The following POU4F1 variants were observed in gnomAD, a reference collection of about 807,000 sequenced individuals.
POU4F1 encodes the protein POU class 4 homeobox 1.
POU4F1 carries 5 observed loss-of-function variants against 19.8 expected under a neutral mutation model. The observed-to-expected ratio is 0.25, with a 90% CI of 0.13 to 0.53. The LOEUF (loss-of-function observed/expected upper bound fraction) is 0.53. Among genes scored for constraint, POU4F1 ranks in the 20% least tolerant of loss-of-function variants. The pLI is 0.96. For missense variants in POU4F1, 408 were observed against 511.6 expected, an observed-to-expected ratio of 0.80 and a Z score of 1.95; for synonymous variants, 266 against 247.7, an observed-to-expected ratio of 1.07 and a Z score of -0.69.
At chr13:78,602,652 A>C (rs1874758993) in intron 1 of POU4F1, 101 bp from the exon 2 acceptor site, 1 of 1,275,334 alleles carries the variant, frequency 7.8e-7, no homozygotes, top group Admixed American at 3.6e-5. Context: ...ACAGCATGCG[A>C]AGGGCAAACA....
Position 78,601,930 on chromosome 13 carries a change from C to T in POU4F1, c.745G>A (p.Val249Met), listed in dbSNP as rs1181558761. 1 of 1,278,288 alleles carries T rather than the reference C, an allele frequency of 7.8e-7. No homozygotes were observed. Among genetic ancestry groups the T allele is most frequent in the Non-Finnish European group, 9.9e-7 (1 of 1,015,222 alleles). 79.2% of individuals were successfully genotyped at this position (1,278,288 alleles called of 1,614,324 possible). The change falls in exon 2 of 2, where the codon GTG (valine) becomes ATG (methionine). Residue 249 changes from valine to methionine, a missense_variant. Val to Met is a conservative substitution (Grantham distance 21). Transcript: ENST00000377208. ...QVAAASAAAA[V>M]VGAAGLASIC... ...GACGCCAGGCCCGCTGCGCCCACCACGGCCGCCGCCGCCGATGCCGCTGCC... is the reference window on the plus strand; with the variant it reads ...GACGCCAGGCCCGCTGCGCCCACCATGGCCGCCGCCGCCGATGCCGCTGCC...
rs1042477917 is a variant in POU4F1 at position 78,599,891 on chromosome 13, C to G, written c.*1524G>C. On this transcript the variant is annotated 3_prime_UTR_variant, in exon 2 of 2. Transcript: ENST00000377208. ...CTGATTATTACTATGAAATACTATA[C>G]ATGATTTTCTATTTGGGAGACTGGT... 1 of 152,578 alleles carries G rather than the reference C, an allele frequency of 6.6e-6. No individual in the cohort carries two copies. The highest frequency in any genetic ancestry group is 1.9e-4 in the East Asian group (1 of 5,194). 9.5% of individuals were successfully genotyped at this position (152,578 alleles called of 1,614,324 possible).
At position 78,601,964 on chromosome 13, in the gene POU4F1, G is replaced by GGCCGCC. The variant is rs1229822868; in HGVS notation, c.705_710dup (p.Ala236_Ala237dup). The GGCCGCC allele has an allele frequency of 2.6e-6, 3 of 1,167,276 alleles. No individual in the cohort carries two copies. Among genetic ancestry groups the GGCCGCC allele is most frequent in the African/African-American group, 1.6e-5 (1 of 61,318 alleles). 72.3% of individuals were successfully genotyped at this position (1,167,276 alleles called of 1,614,324 possible). ...CCGCCGATGCCGCTGCCACCTGCCC[G>GGCCGCC]GCCGCCGCCGCCGCCGCTGCCGCTG... On this transcript the variant is annotated inframe_insertion, in exon 2 of 2. Coordinates refer to ENST00000377208, the MANE Select transcript of POU4F1 (RefSeq NM_006237.4).
At position 78,601,338 on chromosome 13, in the gene POU4F1, G is replaced by C; in HGVS notation, c.*77C>G. 1.3e-6 allele frequency: 2 copies of C among 1,587,868 alleles called. No individual in the cohort carries two copies. Among genetic ancestry groups the C allele is most frequent in the South Asian group, 2.3e-5 (2 of 87,360 alleles). On this transcript the variant is annotated 3_prime_UTR_variant, in exon 2 of 2. Transcript: ENST00000377208. ...ATAACGGACACTCCAAATCCGAGGG[G>C]AGGCAAGCAGAGGAAAGCCCCCCAA... is the stretch of plus-strand genomic sequence containing the variant.
chr13:78,601,552 C>T lies in POU4F1; in HGVS notation c.1123G>A (p.Ala375Thr). The change falls in exon 2 of 2, where the codon GCC becomes ACC. Residue 375 changes from alanine to threonine, a missense_variant. Physicochemically the swap from Ala to Thr is moderately conservative, Grantham distance 58. Around this residue, in one of 4 missense-constraint regions of POU4F1, gnomAD observed 35 missense variants for 85.9 expected, o/e 0.41. Coordinates refer to ENST00000377208, the MANE Select transcript of POU4F1 (RefSeq NM_006237.4). ...PEKRSLEAYF[A>T]VQPRPSSEKI... ...TCGGACGAGGGCCGGGGCTGCACGGCGAAGTAGGCCTCGAGGGAGCGCTTC... is the reference window on the plus strand; with the variant it reads ...TCGGACGAGGGCCGGGGCTGCACGGTGAAGTAGGCCTCGAGGGAGCGCTTC... 1 of 1,613,952 alleles carries T rather than the reference C, an allele frequency of 6.2e-7. No homozygotes were observed. Among genetic ancestry groups the T allele is most frequent in the Middle Eastern group, 1.6e-4 (1 of 6,062 alleles).
At position 78,601,661 on chromosome 13, in the gene POU4F1, G is replaced by A; in HGVS notation, c.1014C>T (p.Gly338=). Reference sequence around the variant, plus strand: ...GCTTGTTCATTTTCTCGCGCTGGGCGCCCTCGGCCTCCTCGAGCCACGCCT... The same window carrying A: ...GCTTGTTCATTTTCTCGCGCTGGGCACCCTCGGCCTCCTCGAGCCACGCCT... ...ILQAWLEEAE[G]AQREKMNKPE... Residue 338 remains glycine (G), a synonymous_variant, in exon 2 of 2, where the codon GGC becomes GGT. Coordinates refer to ENST00000377208, the MANE Select transcript of POU4F1 (RefSeq NM_006237.4). 6.2e-7 allele frequency: 1 copy of A among 1,613,602 alleles called. No homozygotes were observed. The highest frequency in any genetic ancestry group is 2.2e-5 in the East Asian group (1 of 44,824).
chr13:78,603,454 C>A lies in POU4F1; in HGVS notation c.-128G>T. 2.3e-6 allele frequency: 3 copies of A among 1,297,648 alleles called. No individual in the cohort carries two copies. The highest frequency in any genetic ancestry group is 2.9e-6 in the Non-Finnish European group (3 of 1,020,884). 80.4% of individuals were successfully genotyped at this position (1,297,648 alleles called of 1,614,324 possible). On this transcript the variant is annotated 5_prime_UTR_variant, in exon 1 of 2. Transcript: ENST00000377208. ...TCGCGGCGGCTGGCGGCGGCCCCGCCGCGGGCTGCTGCTGCTGCTCCTGCT... is the reference window on the plus strand; with the variant it reads ...TCGCGGCGGCTGGCGGCGGCCCCGCAGCGGGCTGCTGCTGCTGCTCCTGCT...
chr13:78,600,481 G>A lies in POU4F1; in HGVS notation c.*934C>T, dbSNP rs1874648319. The A allele has an allele frequency of 6.6e-6, 1 of 152,094 alleles. No individual in the cohort carries two copies. Among genetic ancestry groups the A allele is most frequent in the African/African-American group, 2.4e-5 (1 of 41,392 alleles). The allele number at this position is 152,094 out of a possible 1,614,324, so 9.4% of individuals were successfully genotyped here. ...CGAAGCTCCGGAATTCTGCTTTTTA[G>A]TAGCTCAAAGACTATGCCCTTCTCT... is the stretch of plus-strand genomic sequence containing the variant. On this transcript the variant is annotated 3_prime_UTR_variant, in exon 2 of 2. Coordinates refer to ENST00000377208, the MANE Select transcript of POU4F1 (RefSeq NM_006237.4).
rs1029307974 is a variant in POU4F1 at position 78,601,069 on chromosome 13, T to G, written c.*346A>C. 3.1e-6 allele frequency: 1 copy of G among 325,144 alleles called. No homozygotes were observed. The highest frequency in any genetic ancestry group is 4.6e-5 in the Admixed American group (1 of 21,686). 20.1% of individuals were successfully genotyped at this position (325,144 alleles called of 1,614,324 possible). ...TCAGAAACAGTCCATTTTCCTACCCTTCCCGCGTCTCCCCCCACCCAAACC... is the reference window on the plus strand; with the variant it reads ...TCAGAAACAGTCCATTTTCCTACCCGTCCCGCGTCTCCCCCCACCCAAACC... On this transcript the variant is annotated 3_prime_UTR_variant, in exon 2 of 2. Coordinates refer to ENST00000377208, the MANE Select transcript of POU4F1 (RefSeq NM_006237.4).
In POU4F1 at chr13:78,598,960, TATTTA is replaced by T. The variant is rs1874594062; in HGVS notation, c.*2450_*2454del. 1 of 152,246 alleles carries T rather than the reference TATTTA, an allele frequency of 6.6e-6. No individual in the cohort carries two copies. The highest frequency in any genetic ancestry group is 1.5e-5 in the Non-Finnish European group (1 of 68,038). 9.4% of individuals were successfully genotyped at this position (152,246 alleles called of 1,614,324 possible). ...CAGGCAACTAATATAGAATTCATTTTATTTAGAGCACCACTTTTCATGAGTTATCT... is the reference window on the plus strand; with the variant it reads ...CAGGCAACTAATATAGAATTCATTTTGAGCACCACTTTTCATGAGTTATCT... On this transcript the variant is annotated 3_prime_UTR_variant, in exon 2 of 2. Coordinates refer to ENST00000377208, the MANE Select transcript of POU4F1 (RefSeq NM_006237.4).
intron 1 of POU4F1, 111 bp downstream of exon 1, chr13:78,603,093 G>T: frequency 2.3e-6 from 2 of 871,198 alleles, no homozygotes; most frequent in Non-Finnish European, 3.2e-6. Context: ...TACACCCCCT[G>T]CCCGCAGTTC....
At position 78,599,853 on chromosome 13, in the gene POU4F1, G is replaced by A. The variant is rs943506668; in HGVS notation, c.*1562C>T. On this transcript the variant is annotated 3_prime_UTR_variant, in exon 2 of 2. Transcript: ENST00000377208. ...CTTAATTTTTTAAAATCCACCAGCA[G>A]CTTGTAAGGTACCTGATTATTACTA... 1.8e-4 allele frequency: 27 copies of A among 152,696 alleles called. No individual in the cohort carries two copies. Among genetic ancestry groups the A allele is most frequent in the African/African-American group, 6.5e-4 (27 of 41,560 alleles). The allele number at this position is 152,696 out of a possible 1,614,324, so 9.5% of individuals were successfully genotyped here.
rs776114977 is a variant in POU4F1 at position 78,603,169 on chromosome 13, C to A, written c.123+35G>T. On this transcript the variant is annotated intron_variant, in intron 1 of 1. Coordinates refer to ENST00000377208, the MANE Select transcript of POU4F1 (RefSeq NM_006237.4). ...CGTTTCGGAGACGGGGAGGGGCGGG[C>A]GCGCGGGCCGGGGCCGCGGGCGTGG... The A allele has an allele frequency of 6.8e-6, 9 of 1,329,054 alleles. No individual in the cohort carries two copies. In the Admixed American group the frequency reaches 2.8e-4, roughly 42 times the overall value. 82.3% of individuals were successfully genotyped at this position (1,329,054 alleles called of 1,614,324 possible). A position where few individuals can be genotyped will look rare whatever the true frequency, so the allele number is the denominator to read the frequency against.
At position 78,600,569 on chromosome 13, in the gene POU4F1, T is replaced by G. The variant is rs1274382570; in HGVS notation, c.*846A>C. ...GTATAGGCAGGGCCACGGGAAAACTTGGATTCCACCTAAGCAAGCAGCCAG... is the reference window on the plus strand; with the variant it reads ...GTATAGGCAGGGCCACGGGAAAACTGGGATTCCACCTAAGCAAGCAGCCAG... On this transcript the variant is annotated 3_prime_UTR_variant, in exon 2 of 2. Transcript: ENST00000377208. 6.6e-6 allele frequency: 1 copy of G among 152,396 alleles called. No individual in the cohort carries two copies. Among genetic ancestry groups the G allele is most frequent in the Non-Finnish European group, 1.5e-5 (1 of 68,258 alleles). The allele number at this position is 152,396 out of a possible 1,614,324, so 9.4% of individuals were successfully genotyped here.
Position 78,601,673 on chromosome 13 carries a change from C to G in POU4F1, c.1002G>C (p.Glu334Asp). 3.1e-6 allele frequency: 5 copies of G among 1,613,762 alleles called. No homozygotes were observed. Among genetic ancestry groups the G allele is most frequent in the Non-Finnish European group, 3.4e-6 (4 of 1,179,954 alleles). The change falls in exon 2 of 2, where the codon GAG becomes GAC. Residue 334 changes from glutamate to aspartate, a missense_variant. Transcript: ENST00000377208. ...TCTCGCGCTGGGCGCCCTCGGCCTC[C>G]TCGAGCCACGCCTGCAGGATGGGCT... ...ALKPILQAWL[E>D]EAEGAQREKM...
rs7988653 is a variant in POU4F1, at chr13:78,600,892, G to A, written c.*523C>T. On this transcript the variant is annotated 3_prime_UTR_variant, in exon 2 of 2. Transcript: ENST00000377208. The stretch of plus-strand genomic sequence containing the variant: ...GGGGAAAATGAAGTTGCAGATTATG[G>A]CTCCCCGGAGTTAAAATTTCTAAAG... 0.042 allele frequency: 6,554 copies of A among 156,106 alleles called. 468 individuals carry two copies. Among genetic ancestry groups the A allele is most frequent in the African/African-American group, 0.15 (6,189 of 41,412 alleles). The allele number at this position is 156,106 out of a possible 1,614,324, so 9.7% of individuals were successfully genotyped here.
At position 78,600,218 on chromosome 13, in the gene POU4F1, T is replaced by C. The variant is rs1257368735; in HGVS notation, c.*1197A>G. ...GAAGAGCAAGATGAGTCTCGTTCAG[T>C]GGAGAAAACAGGAGAGAGTATCTCT... On this transcript the variant is annotated 3_prime_UTR_variant, in exon 2 of 2. Coordinates refer to ENST00000377208, the MANE Select transcript of POU4F1 (RefSeq NM_006237.4). The C allele has an allele frequency of 6.6e-6, 1 of 152,122 alleles. No homozygotes were observed. Among genetic ancestry groups the C allele is most frequent in the African/African-American group, 2.4e-5 (1 of 41,402 alleles). The allele number at this position is 152,122 out of a possible 1,614,324, so 9.4% of individuals were successfully genotyped here.
intron 1 of POU4F1, 21 bp from the exon 2 acceptor site, chr13:78,602,572 A>G (rs1027118318): frequency 7.0e-7 from 1 of 1,427,558 alleles, no homozygotes; most frequent in Non-Finnish European, 9.2e-7. Flanking sequence ...CACAAACCAA[A>G]CCAAAAAAAC....
chr13:78,602,234 C>T lies in POU4F1; in HGVS notation c.441G>A (p.Pro147=), dbSNP rs1874741191. The T allele has an allele frequency of 5.2e-6, 5 of 965,282 alleles. No homozygotes were observed. The highest frequency in any genetic ancestry group is 1.2e-4 in the East Asian group (1 of 8,482). The allele number at this position is 965,282 out of a possible 1,614,324, so 59.8% of individuals were successfully genotyped here. A position where few individuals can be genotyped will look rare whatever the true frequency, so the allele number is the denominator to read the frequency against. ...CGCCGCCCGGGCCGCCACCGCCCCCCGGGCCGTCGTGGGCGCCGCCGCCGC... is the reference window on the plus strand; with the variant it reads ...CGCCGCCCGGGCCGCCACCGCCCCCTGGGCCGTCGTGGGCGCCGCCGCCGC... ...AAGGGGAHDG[P]GGGGGPGGGG... Residue 147 remains proline, a synonymous_variant, in exon 2 of 2, where the codon CCG becomes CCA. Transcript: ENST00000377208.
Sources: gnomAD v4.1 joint callset for allele counts on GRCh38, gnomAD v4.1.1 for gene constraint, gnomAD v4.1.1 regional missense constraint, MANE v1.5 for transcripts, NCBI Gene and HGNC (gene_info 2026-07-23, HGNC 2026-07-21) for gene names.